The following SLC2A1 variants were observed in gnomAD, a reference collection of about 807,000 sequenced individuals.
SLC2A1 encodes the protein solute carrier family 2, facilitated glucose transporter member 1.
In SLC2A1, 4 loss-of-function variants were observed where a neutral mutation model predicts 46.6. The ratio of observed to expected loss-of-function variants is 0.09; its 90% CI spans 0.04 to 0.20. The LOEUF (loss-of-function observed/expected upper bound fraction) is 0.20. Among genes scored for constraint, SLC2A1 ranks in the 10% least tolerant of loss-of-function variants. SLC2A1 has a pLI of 1.00. For synonymous variants in SLC2A1, 253 were observed against 270.0 expected, an observed-to-expected ratio of 0.94 and a Z score of 0.62; for missense variants, 352 against 667.0, an observed-to-expected ratio of 0.53 and a Z score of 5.20.
rs1425773776 is a variant in SLC2A1, at chr1:42,929,280, G to C, written c.902C>G (p.Ala301Gly). The C allele has an allele frequency of 6.2e-7, 1 of 1,613,612 alleles. No individual in the cohort carries two copies. Among genetic ancestry groups the C allele is most frequent in the Non-Finnish European group, 8.5e-7 (1 of 1,179,774 alleles). ...FYYSTSIFEK[A>G]GVQQPVYATI... is the part of the protein sequence containing the mutation. Reference sequence around the variant, plus strand: ...GGCATACACAGGCTGCTGCACCCCCGCCTTCTCGAAGATGCTCGTGGAGTA... The same window carrying C: ...GGCATACACAGGCTGCTGCACCCCCCCCTTCTCGAAGATGCTCGTGGAGTA... Residue 301 changes from alanine (A) to glycine (G), a missense_variant, in exon 7 of 10, where the codon GCG (alanine) becomes GGG (glycine). Ala to Gly is a moderately conservative substitution (Grantham distance 60, BLOSUM62 0). This residue lies in a region of SLC2A1 where 167 missense variants were observed against 280.8 expected (regional missense o/e 0.59). Transcript: ENST00000426263. This position sits in a 1 kb window ranked among gnomAD's most constrained non-coding sequence, Gnocchi z 6.0.
intron 2 of SLC2A1, among the ~76,000 whole-genome samples, chr1:42,937,119 C>T (rs1008239314): frequency 6.6e-6 from 1 of 152,248 alleles, no homozygotes; most frequent in Non-Finnish European, 1.5e-5. Flanking sequence ...CACCCTCTCC[C>T]TCTTCCTTCC....
At chr1:42,955,868 C>T (rs1297719991) in intron 1 of SLC2A1, among the ~76,000 whole-genome samples, 1 of 152,198 alleles carries the variant, frequency 6.6e-6, no homozygotes, top group Admixed American at 6.5e-5. Context: ...ACTTCCTATT[C>T]AGCTAAGCTC....
At chr1:42,938,950 G>A (rs1643569724) in intron 2 of SLC2A1, among the ~76,000 whole-genome samples, 2 of 152,230 alleles carry the variant, frequency 1.3e-5, no homozygotes, top group Non-Finnish European at 2.9e-5. Context: ...TCCCACTGCT[G>A]TGGAGACAGG....
In SLC2A1 at chr1:42,954,034, G is replaced by C. The variant is rs17387886; in HGVS notation, c.18+4600C>G. On this transcript the variant is annotated intron_variant, in intron 1 of 9. Coordinates refer to ENST00000426263, the MANE Select transcript of SLC2A1 (RefSeq NM_006516.4). This position sits in a 1 kb window ranked among gnomAD's most constrained non-coding sequence, Gnocchi z 4.2. ...GCTCCAAGGAAAGCCACTTCTTCAA[G>C]GTCAGAGTTTAGTGGGAACATCTAG... 0.15 allele frequency among the ~76,000 whole-genome samples: 22,102 copies of C among 152,218 alleles called. 1,819 individuals carry two copies. The highest frequency in any genetic ancestry group is 0.18 in the South Asian group (892 of 4,826).
intron 1 of SLC2A1, among the ~76,000 whole-genome samples, chr1:42,953,820 G>A (rs1255260563): frequency 6.6e-6 from 1 of 152,188 alleles, no homozygotes; most frequent in Non-Finnish European, 1.5e-5. Context: ...AAATAGGGTC[G>A]AATCCCTGGA....
rs917927784 is a variant in SLC2A1, at chr1:42,930,291, G to A, written c.517-256C>T. 4.0e-5 allele frequency: 25 copies of A among 623,884 alleles called. 1 individual carries two copies. Among genetic ancestry groups the A allele is most frequent in the Non-Finnish European group, 6.0e-5 (21 of 349,220 alleles). 38.6% of individuals were successfully genotyped at this position (623,884 alleles called of 1,614,324 possible). The stretch of plus-strand genomic sequence containing the variant: ...GTGTCCAGCACAGAGAATGGGGGCT[G>A]CTACTCTGCCACAAGAGGGTTTTGG... On this transcript the variant is annotated intron_variant, in intron 4 of 9. Coordinates refer to ENST00000426263, the MANE Select transcript of SLC2A1 (RefSeq NM_006516.4). This position sits in a 1 kb window ranked among gnomAD's most constrained non-coding sequence, Gnocchi z 6.2.
intron 1 of SLC2A1, among the ~76,000 whole-genome samples, chr1:42,943,742 A>G (rs1643621969): frequency 6.6e-6 from 1 of 152,160 alleles, no homozygotes; most frequent in Admixed American, 6.5e-5. Flanking sequence ...TATAGATAGG[A>G]GAAGCACCCT....
chr1:42,951,571 CA>C (rs1643720725), intron 1 of SLC2A1: 2 of 340,938 alleles, frequency 5.9e-6, no homozygotes. Flanking sequence ...TACACATGCA[CA>C]AAGAGAAGTC....
At position 42,929,774 on chromosome 1, in the gene SLC2A1, T is replaced by C; in HGVS notation, c.686A>G (p.Lys229Arg). 1.9e-6 allele frequency: 3 copies of C among 1,614,208 alleles called. No individual in the cohort carries two copies. Among genetic ancestry groups the C allele is most frequent in the Non-Finnish European group, 2.5e-6 (3 of 1,180,024 alleles). ...CACGTCAGCTGTCCCGCGCAGCTTC[T>C]TTAGCACTGGGGGGACCGGAGGGAA... ...NEENRAKSVL[K>R]KLRGTADVTH... The change falls in exon 6 of 10, where the codon AAG (lysine) becomes AGG (arginine). Residue 229 changes from lysine to arginine, a missense_variant. Lys to Arg is a conservative substitution (Grantham distance 26). Coordinates refer to ENST00000426263, the MANE Select transcript of SLC2A1 (RefSeq NM_006516.4). The surrounding 1 kb of genome is among the most constrained non-coding windows in gnomAD (Gnocchi z 6.0).
At position 42,930,005 on chromosome 1, in the gene SLC2A1, T is replaced by C. The variant is rs1557646134; in HGVS notation, c.547A>G (p.Lys183Glu). 6.2e-7 allele frequency: 1 copy of C among 1,614,140 alleles called. No individual in the cohort carries two copies. Among genetic ancestry groups the C allele is most frequent in the African/African-American group, 1.3e-5 (1 of 75,028 alleles). The stretch of plus-strand genomic sequence containing the variant: ...CTCAGCAGCAGGGGCCACAGGTCCT[T>C]GTTGCCCATGATGGAGTCCAGGCCG... ...VFGLDSIMGN[K>E]DLWPLLLSII... Residue 183 changes from lysine (K) to glutamate (E), a missense_variant, in exon 5 of 10, where the codon AAG becomes GAG. Physicochemically the swap from Lys to Glu is moderately conservative, Grantham distance 56 (BLOSUM62 1). Transcript: ENST00000426263. The surrounding 1 kb of genome is among the most constrained non-coding windows in gnomAD (Gnocchi z 6.2).
At chr1:42,945,558 G>A (rs2124464280) in intron 1 of SLC2A1, among the ~76,000 whole-genome samples, 1 of 152,100 alleles carries the variant, frequency 6.6e-6, no homozygotes, top group Admixed American at 6.5e-5. Context: ...GACCAGCCTG[G>A]CCAACATGGC....
intron 1 of SLC2A1, among the ~76,000 whole-genome samples, chr1:42,957,476 G>A (rs1041102851): frequency 2.6e-5 from 4 of 152,120 alleles, no homozygotes; most frequent in African/African-American, 9.7e-5. Context: ...TGCTACCCCC[G>A]CGTCCCAGCT....
At chr1:42,940,393 A>G (rs1643585339) in intron 2 of SLC2A1, among the ~76,000 whole-genome samples, 1 of 152,298 alleles carries the variant, frequency 6.6e-6, no homozygotes, top group African/African-American at 2.4e-5. Flanking sequence ...ACTATCCACC[A>G]GTGTCTATTA....
intron 1 of SLC2A1, among the ~76,000 whole-genome samples, chr1:42,950,929 C>T (rs1265112169): frequency 6.6e-6 from 1 of 152,150 alleles, no homozygotes; most frequent in Admixed American, 6.5e-5. Context: ...GAGCCGAGAT[C>T]GCGCCATTGC....
chr1:42,928,105 C>T (rs947078267), intron 8 of SLC2A1, among the ~76,000 whole-genome samples: 3 of 152,162 alleles, frequency 2.0e-5, no homozygotes, highest in Non-Finnish European at 4.4e-5. Context: ...CAGCACAGTC[C>T]GCCTGTGGCA....
chr1:42,957,296 T>C (rs1304620232), intron 1 of SLC2A1, among the ~76,000 whole-genome samples: 1 of 152,080 alleles, frequency 6.6e-6, no homozygotes, highest in Non-Finnish European at 1.5e-5. Context: ...TTCCCCGGGG[T>C]CTCACCTCAA....
intron 1 of SLC2A1, 82 bp downstream of exon 1, chr1:42,958,552 G>T: frequency 5.7e-6 from 7 of 1,225,236 alleles, no homozygotes; most frequent in Non-Finnish European, 7.5e-6. Flanking sequence ...GCGGGGCGGC[G>T]GGGGAGGCCC....
At position 42,927,523 on chromosome 1, in the gene SLC2A1, A is replaced by C. The variant is rs1570590727; in HGVS notation, c.1278+82T>G. The C allele has an allele frequency of 1.5e-6, 2 of 1,351,294 alleles. No individual in the cohort carries two copies. Among genetic ancestry groups the C allele is most frequent in the East Asian group, 4.7e-5 (2 of 42,688 alleles). The allele number at this position is 1,351,294 out of a possible 1,614,324, so 83.7% of individuals were successfully genotyped here. A position where few individuals can be genotyped will look rare whatever the true frequency, so the allele number is the denominator to read the frequency against. Reference sequence around the variant, plus strand: ...CAGTTTCCTCCTCAGCATGATTCCTAATGAGAATGCTGGGCCAGCACTTTG... The same window carrying C: ...CAGTTTCCTCCTCAGCATGATTCCTCATGAGAATGCTGGGCCAGCACTTTG... On this transcript the variant is annotated intron_variant, in intron 9 of 9. Coordinates refer to ENST00000426263, the MANE Select transcript of SLC2A1 (RefSeq NM_006516.4). The surrounding 1 kb of genome is among the most constrained non-coding windows in gnomAD (Gnocchi z 5.3).
chr1:42,958,853 C>G lies in SLC2A1; in HGVS notation c.-202G>C, dbSNP rs1016572946. The G allele has an allele frequency of 2.8e-5, 16 of 568,284 alleles. No homozygotes were observed. Among genetic ancestry groups the G allele is most frequent in the Non-Finnish European group, 3.1e-6 (1 of 318,462 alleles). The allele number at this position is 568,284 out of a possible 1,614,324, so 35.2% of individuals were successfully genotyped here. A position where few individuals can be genotyped will look rare whatever the true frequency, so the allele number is the denominator to read the frequency against. ...CTAGCGACCGGCACGCTCGCTGTTGCTACCTCTTGCCTCTTGCCAGAGAGC... is the reference window on the plus strand; with the variant it reads ...CTAGCGACCGGCACGCTCGCTGTTGGTACCTCTTGCCTCTTGCCAGAGAGC... On this transcript the variant is annotated 5_prime_UTR_variant, in exon 1 of 10. Transcript: ENST00000426263.
Sources: allele counts gnomAD v4.1 joint callset (sites outside exome capture counted in the v4.1 genomes callset), GRCh38; gene constraint gnomAD v4.1.1; regional missense constraint gnomAD v4.1.1; non-coding constraint Gnocchi (gnomAD v3.1); transcripts MANE v1.5; gene names NCBI Gene and HGNC (gene_info 2026-07-23, HGNC 2026-07-21).